Variants in DGKB observed in about 807,000 individuals in gnomAD.
DGKB encodes the protein diacylglycerol kinase beta, also known as 90 kDa diacylglycerol kinase.
DGKB carries 67 observed loss-of-function variants against 114.3 expected under a neutral mutation model. The observed-to-expected ratio is 0.59, with a 90% confidence interval of 0.48 to 0.72. DGKB has a LOEUF of 0.72. Among genes scored for constraint, DGKB ranks in the 30% least tolerant of loss-of-function variants. DGKB has a pLI of 0.00. For synonymous variants in DGKB, 398 were observed against 323.1 expected, an observed-to-expected ratio of 1.23 and a Z score of -2.49; for missense variants, 907 against 975.2, an observed-to-expected ratio of 0.93 and a Z score of 0.93.
At chr7:14,554,108 G>C (rs1795531894) in intron 20 of DGKB, among the ~76,000 whole-genome samples, 1 of 151,826 alleles carries the variant, frequency 6.6e-6, no homozygotes, top group African/African-American at 2.4e-5. Flanking sequence ...TCCTGACCTC[G>C]TGATCTGCCC....
chr7:14,175,740 C>G (rs933682703), intron 25 of DGKB, among the ~76,000 whole-genome samples: 1 of 152,044 alleles, frequency 6.6e-6, no homozygotes, highest in African/African-American at 2.4e-5. Flanking sequence ...CTCTGTCTAC[C>G]TTTTCTACTT....
At chr7:14,671,340 T>C (rs1358861977) in intron 13 of DGKB, among the ~76,000 whole-genome samples, 1 of 152,024 alleles carries the variant, frequency 6.6e-6, no homozygotes, top group Non-Finnish European at 1.5e-5. Flanking sequence ...GACGAAATGC[T>C]CAATAGTCAT....
intron 21 of DGKB, among the ~76,000 whole-genome samples, chr7:14,444,929 A>G (rs570243123): frequency 6.6e-6 from 1 of 151,990 alleles, no homozygotes; most frequent in African/African-American, 2.4e-5. Flanking sequence ...TATTTCTGTT[A>G]ATTCCTTGCA....
intron 1 of DGKB, among the ~76,000 whole-genome samples, chr7:14,885,794 T>C (rs1197479777): frequency 6.6e-6 from 1 of 151,906 alleles, no homozygotes; most frequent in East Asian, 1.9e-4. Context: ...GATTAAATGA[T>C]TTAATGAAAA....
rs559510825 is a variant in DGKB at position 14,568,810 on chromosome 7, G to A, written c.1770+5402C>T. 2.0e-4 allele frequency among the ~76,000 whole-genome samples: 30 copies of A among 152,236 alleles called. 1 individual carries two copies. The East Asian group carries it at 2.9e-3, about 15-fold the overall frequency. ...CAAGGTTCTTTGTATATTGTACAGC[G>A]CTAGCTGTCAGTAAATAAGGGACGA... is the stretch of plus-strand genomic sequence containing the variant. On this transcript the variant is annotated intron_variant, in intron 20 of 25. Coordinates refer to ENST00000402815, the MANE Select transcript of DGKB (RefSeq NM_001350709.2).
Position 14,316,019 on chromosome 7 carries a change from G to T in DGKB, c.2122+22496C>A, listed in dbSNP as rs540797084. 6.9e-4 allele frequency among the ~76,000 whole-genome samples: 104 copies of T among 151,048 alleles called. 1 individual carries two copies. In the East Asian group the frequency reaches 0.015, roughly 22 times the overall value. On this transcript the variant is annotated intron_variant, in intron 23 of 25. Coordinates refer to ENST00000402815, the MANE Select transcript of DGKB (RefSeq NM_001350709.2). ...CAACTACATGGAAACTGAACAACCT[G>T]CTCCTGAATGACTGTTGGGTACATA...
chr7:14,746,334 C>CA (rs1164794273), intron 4 of DGKB, among the ~76,000 whole-genome samples: 4 of 150,610 alleles, frequency 2.7e-5, no homozygotes, highest in African/African-American at 4.9e-5. Flanking sequence ...ACTCCATATA[C>CA]AAAAAAAAGG....
chr7:14,968,289 A>G (rs1787278084), intron 1 of DGKB, among the ~76,000 whole-genome samples: 1 of 152,108 alleles, frequency 6.6e-6, no homozygotes, highest in South Asian at 2.1e-4. Flanking sequence ...GCTTTAGAAC[A>G]TTTGATTTGA....
chr7:14,729,154 A>C (rs559441123), intron 5 of DGKB, among the ~76,000 whole-genome samples: 10 of 98,080 alleles, frequency 1.0e-4, no homozygotes, highest in Admixed American at 2.5e-4. Context: ...ATGGAGTCTC[A>C]CTCTGTTGCC....
chr7:14,851,417 C>T (rs1456250400), intron 1 of DGKB, among the ~76,000 whole-genome samples: 1 of 152,044 alleles, frequency 6.6e-6, no homozygotes, highest in African/African-American at 2.4e-5. Flanking sequence ...TTTAAAATAT[C>T]TTTTAGTATT....
At chr7:14,532,175 A>C (rs1275329219) in intron 20 of DGKB, among the ~76,000 whole-genome samples, 1 of 151,352 alleles carries the variant, frequency 6.6e-6, no homozygotes, top group African/African-American at 2.4e-5. Context: ...ATATAACACC[A>C]AAAGAATAGC....
At chr7:14,170,134 C>T (rs1214613904) in intron 25 of DGKB, among the ~76,000 whole-genome samples, 4 of 33,078 alleles carry the variant, frequency 1.2e-4, no homozygotes, top group African/African-American at 4.5e-4. Flanking sequence ...AACTCCATCT[C>T]AAAAAAAAAA....
At chr7:14,662,219 A>G (rs1337788227) in intron 13 of DGKB, among the ~76,000 whole-genome samples, 1 of 151,212 alleles carries the variant, frequency 6.6e-6, no homozygotes, top group Non-Finnish European at 1.5e-5. Flanking sequence ...TAAAAAAAAT[A>G]AAAATAAAAA....
At chr7:14,296,788 A>G (rs796214005) in intron 23 of DGKB, among the ~76,000 whole-genome samples, 1 of 138,348 alleles carries the variant, frequency 7.2e-6, no homozygotes, top group Non-Finnish European at 1.5e-5. Flanking sequence ...TTTTTTAAAG[A>G]TTAACAAGAT....
chr7:14,725,524 G>A (rs1176355765), intron 5 of DGKB, among the ~76,000 whole-genome samples: 3 of 151,412 alleles, frequency 2.0e-5, no homozygotes, highest in Non-Finnish European at 4.4e-5. Flanking sequence ...TGTTCAGAAT[G>A]TATAATATCT....
At chr7:14,265,401 T>C (rs1797362392) in intron 23 of DGKB, among the ~76,000 whole-genome samples, 1 of 144,364 alleles carries the variant, frequency 6.9e-6, no homozygotes, top group Non-Finnish European at 1.5e-5. Flanking sequence ...TTTCTGCTAC[T>C]CTCCCGTACT....
chr7:14,788,278 A>C (rs1840177209), intron 2 of DGKB, among the ~76,000 whole-genome samples: 1 of 152,232 alleles, frequency 6.6e-6, no homozygotes, highest in African/African-American at 2.4e-5. Context: ...AATCTTTCTA[A>C]GCCTGAGGAT....
chr7:14,558,198 T>C (rs1796143216), intron 20 of DGKB, among the ~76,000 whole-genome samples: 1 of 149,824 alleles, frequency 6.7e-6, no homozygotes, highest in South Asian at 2.1e-4. Flanking sequence ...ACCTTCTGTA[T>C]AGAGGATGAC....
intron 21 of DGKB, among the ~76,000 whole-genome samples, chr7:14,346,432 G>A (rs899064697): frequency 1.1e-4 from 16 of 151,788 alleles, no homozygotes; most frequent in African/African-American, 3.9e-4. Context: ...TCTAAACATA[G>A]TCAATAATGT....
Sources: allele counts gnomAD v4.1 joint callset (sites outside exome capture counted in the v4.1 genomes callset), GRCh38; gene constraint gnomAD v4.1.1; transcripts MANE v1.5; gene names NCBI Gene and HGNC (gene_info 2026-07-23, HGNC 2026-07-21).